BEND7: variants seen among roughly 807,000 people sequenced by gnomAD.
The protein encoded by BEND7 is BEN domain-containing protein 7.
A neutral mutation model predicts 50.9 loss-of-function variants in BEND7; 28 were observed. The observed-to-expected ratio is 0.55, with a 90% CI of 0.41 to 0.75. The LOEUF (loss-of-function observed/expected upper bound fraction) is 0.75. BEND7 is among the 30% of genes least tolerant of loss of function. The probability of loss-of-function intolerance (pLI) is 0.00; values close to 1 mark genes in which losing one functional copy is unlikely to be tolerated. For synonymous variants in BEND7, 170 were observed against 183.9 expected (o/e 0.92, Z 0.61); for missense variants, 477 against 491.3 (o/e 0.97, Z 0.28).
intron 5 of BEND7, among the ~76,000 whole-genome samples, chr10:13,489,756 C>G (rs1217986898): frequency 6.6e-6 from 1 of 152,060 alleles, no homozygotes. Flanking sequence ...TAGGTGGGTA[C>G]AGAGAGGAGG....
chr10:13,444,874 G>C (rs1014388848), intron 8 of BEND7: 2 of 152,208 alleles, frequency 1.3e-5, no homozygotes, highest in Admixed American at 6.5e-5. Context: ...GAGTGTAGTG[G>C]CGCGATCTCG....
intron 5 of BEND7, 86 bp from the exon 6 acceptor site, chr10:13,481,210 G>A: frequency 8.1e-7 from 1 of 1,240,636 alleles, no homozygotes; most frequent in Non-Finnish European, 1.1e-6. Context: ...AACATCACTA[G>A]CTACTGAAAT....
chr10:13,439,475 A>C, downstream of BEND7: 1 of 1,605,732 alleles, frequency 6.2e-7, no homozygotes, highest in Non-Finnish European at 8.5e-7. Flanking sequence ...CCGGCAGAAC[A>C]GTGCAGGGCC....
At position 13,528,811 on chromosome 10, in the gene BEND7, C is replaced by G. The variant is rs2079574571; in HGVS notation, c.-278G>C. On this transcript the variant is annotated 5_prime_UTR_variant, in exon 1 of 9. Transcript: ENST00000466271. ...GTGCCCTAGGCGCCCCCGCGGCCCC[C>G]GCTCATGCCGGCCCGCGGGTTCCAG... 2 of 145,026 alleles carry G rather than the reference C, an allele frequency of 1.4e-5. No individual in the cohort carries two copies. Among genetic ancestry groups the G allele is most frequent in the Non-Finnish European group, 1.5e-5 (1 of 65,400 alleles). The allele number at this position is 145,026 out of a possible 1,614,324, so 9.0% of individuals were successfully genotyped here. A position where few individuals can be genotyped will look rare whatever the true frequency, so the allele number is the denominator to read the frequency against.
At chr10:13,481,392 A>G (rs1225190130) in intron 5 of BEND7, among the ~76,000 whole-genome samples, 5 of 152,190 alleles carry the variant, frequency 3.3e-5, no homozygotes, top group Non-Finnish European at 4.4e-5. Context: ...GACAACCACA[A>G]AATCCTATCA....
At chr10:13,492,420 C>T (rs2076729213) in intron 5 of BEND7, among the ~76,000 whole-genome samples, 191 bp downstream of exon 5, 1 of 152,206 alleles carries the variant, frequency 6.6e-6, no homozygotes, top group Non-Finnish European at 1.5e-5. Flanking sequence ...GGAAACCTGT[C>T]TAAATAAATA....
chr10:13,438,599 C>T (rs888135319), downstream of BEND7: 1 of 152,374 alleles, frequency 6.6e-6, no homozygotes, highest in Admixed American at 6.5e-5. Context: ...TTTGAGGTTA[C>T]AAAACATAAT....
chr10:13,499,801 G>A lies in BEND7; in HGVS notation c.425C>T (p.Pro142Leu). The stretch of plus-strand genomic sequence containing the variant: ...ACCATTGGAGCTCGTGGTAGGGTGG[G>A]GCTGGCTTTGGAAGGTTCTAGAACG... ...GTRSRTFQSQ[P>L]HPTTSSNGEL... The change falls in exon 3 of 9, where the codon CCC becomes CTC. Residue 142 changes from proline (P) to leucine (L), a missense_variant. Pro to Leu is a moderately conservative substitution (Grantham distance 98). Coordinates refer to ENST00000466271, the MANE Select transcript of BEND7 (RefSeq NM_001369863.1). 1 of 1,608,350 alleles carries A rather than the reference G, an allele frequency of 6.2e-7. No individual in the cohort carries two copies. The highest frequency in any genetic ancestry group is 8.5e-7 in the Non-Finnish European group (1 of 1,175,452).
chr10:13,460,836 T>C (rs1840066797), intron 6 of BEND7, among the ~76,000 whole-genome samples: 1 of 152,262 alleles, frequency 6.6e-6, no homozygotes, highest in Admixed American at 6.5e-5. Context: ...AACCTCATTG[T>C]GACCTTATTA....
chr10:13,482,816 A>G (rs1402551117), intron 5 of BEND7, among the ~76,000 whole-genome samples: 1 of 152,190 alleles, frequency 6.6e-6, no homozygotes, highest in African/African-American at 2.4e-5. Flanking sequence ...TCTGAGCTGG[A>G]GGCTGCATCC....
rs953853776 is a variant in BEND7, at chr10:13,490,813, T to G, written c.837+1798A>C. Among the ~76,000 whole-genome samples the G allele has an allele frequency of 6.0e-5, 9 of 150,758 alleles. No individual in the cohort carries two copies. The East Asian group carries it at 1.6e-3, about 26-fold the overall frequency. On this transcript the variant is annotated intron_variant, in intron 5 of 8. Transcript: ENST00000466271. ...CTATGATTTTGTTTTTTTGTTTTTG[T>G]TTTTTTTTGAGACGGAATCTCCCTC...
chr10:13,444,344 G>A (rs1835836636), intron 8 of BEND7: 1 of 152,134 alleles, frequency 6.6e-6, no homozygotes, highest in Non-Finnish European at 1.5e-5. Context: ...TAAATGTAAT[G>A]CATCCAAACA....
At chr10:13,441,074 G>C (rs1415060612), downstream of BEND7, 1 of 984,016 alleles carries the variant, frequency 1.0e-6, no homozygotes, top group Admixed American at 6.1e-5. Context: ...ACACAGGCAA[G>C]ATCCGCACGC....
intron 5 of BEND7, among the ~76,000 whole-genome samples, chr10:13,484,799 A>C (rs779951194): frequency 6.6e-6 from 1 of 152,158 alleles, no homozygotes; most frequent in Non-Finnish European, 1.5e-5. Flanking sequence ...TCCTACTATA[A>C]ATTTGGATTT....
intron 5 of BEND7, among the ~76,000 whole-genome samples, chr10:13,483,862 G>C (rs996240877): frequency 3.9e-4 from 60 of 152,242 alleles, no homozygotes; most frequent in Admixed American, 3.0e-3. Flanking sequence ...GCTCAGGAGG[G>C]GATAGGACAG....
intron 4 of BEND7, among the ~76,000 whole-genome samples, chr10:13,493,895 A>G (rs988625607): frequency 6.6e-6 from 1 of 152,244 alleles, no homozygotes; most frequent in Non-Finnish European, 1.5e-5. Context: ...AAAGGTCTTT[A>G]AAGGCATATA....
intron 2 of BEND7, among the ~76,000 whole-genome samples, chr10:13,504,192 G>T (rs148715370): frequency 5.3e-4 from 81 of 152,302 alleles, no homozygotes; most frequent in African/African-American, 1.9e-3. Context: ...AGGCCGAGCC[G>T]TAGAAGCTCG....
intron 7 of BEND7, among the ~76,000 whole-genome samples, chr10:13,448,451 A>G (rs552988588): frequency 6.6e-6 from 1 of 152,318 alleles, no homozygotes; most frequent in East Asian, 1.9e-4. Flanking sequence ...ATGTTGTAAC[A>G]CTGAGTCAGA....
At chr10:13,498,071 CTTTT>C in intron 3 of BEND7, among the ~76,000 whole-genome samples, 1 of 109,850 alleles carries the variant, frequency 9.1e-6, no homozygotes, top group African/African-American at 3.4e-5. Flanking sequence ...ATTTCTTTTT[CTTTT>C]TTTTTTTTTT....
Sources: allele counts gnomAD v4.1 joint callset (sites outside exome capture counted in the v4.1 genomes callset), GRCh38; gene constraint gnomAD v4.1.1; transcripts MANE v1.5; gene names NCBI Gene and HGNC (gene_info 2026-07-23, HGNC 2026-07-21).